Variants in UQCRH observed in about 807,000 individuals in gnomAD.
UQCRH encodes ubiquinol-cytochrome c reductase hinge protein, also known as cytochrome b-c1 complex subunit 6, mitochondrial.
In UQCRH, 14 loss-of-function variants were observed where a neutral mutation model predicts 16.3. The ratio of observed to expected loss-of-function variants is 0.86; its 90% CI spans 0.57 to 1.34. The LOEUF is 1.34. UQCRH is among the 40% of genes most tolerant of loss of function. The probability of loss-of-function intolerance (pLI) is 0.00; values close to 1 mark genes in which losing one functional copy is unlikely to be tolerated. For synonymous variants in UQCRH, 41 were observed against 41.9 expected (o/e 0.98, Z 0.08); for missense variants, 89 against 111.9 (o/e 0.80, Z 0.92).
intron 3 of UQCRH, among the ~76,000 whole-genome samples, chr1:46,311,686 G>A (rs1376398251): frequency 6.7e-6 from 1 of 150,012 alleles, no homozygotes; most frequent in African/African-American, 2.5e-5. Context: ...TCCACCTCCC[G>A]GCTTCACGCC....
In UQCRH at chr1:46,309,301, AG is replaced by A; in HGVS notation, c.81+175del. 4 of 714,318 alleles carry A rather than the reference AG, an allele frequency of 5.6e-6. No homozygotes were observed. In the East Asian group the frequency reaches 1.2e-4, roughly 22 times the overall value. 44.2% of individuals were successfully genotyped at this position (714,318 alleles called of 1,614,324 possible). On this transcript the variant is annotated intron_variant, in intron 2 of 3. Transcript: ENST00000311672. The stretch of plus-strand genomic sequence containing the variant: ...TTTAGGGTGTGAGCCTTGGAAGCTG[AG>A]TCTGTTCTGGGTTTGGGGCTTCTTC...
At chr1:46,310,405 C>T in intron 3 of UQCRH, 89 bp downstream of exon 3, 2 of 1,580,692 alleles carry the variant, frequency 1.3e-6, no homozygotes, top group Middle Eastern at 1.7e-4. Flanking sequence ...GGGAAAGGCC[C>T]ATCAGTTACT....
chr1:46,313,840 CAAAA>C (rs77691408), intron 3 of UQCRH, among the ~76,000 whole-genome samples: 1 of 116,346 alleles, frequency 8.6e-6, no homozygotes. Context: ...GACCCTGTCT[CAAAA>C]AAAAAAAAAC....
intron 3 of UQCRH, among the ~76,000 whole-genome samples, chr1:46,315,234 C>T (rs568112048): frequency 2.8e-4 from 42 of 152,244 alleles, no homozygotes; most frequent in Admixed American, 2.7e-3. Context: ...CACCTGAGGT[C>T]GGGAGTTCGA....
intron 1 of UQCRH, among the ~76,000 whole-genome samples, chr1:46,305,916 T>C (rs938858524): frequency 1.6e-4 from 25 of 151,740 alleles, no homozygotes; most frequent in Admixed American, 9.8e-4. Context: ...CGATTCTCTT[T>C]TGCCTCAGCC....
At chr1:46,313,367 G>T (rs771069105) in intron 3 of UQCRH, among the ~76,000 whole-genome samples, 1 of 152,158 alleles carries the variant, frequency 6.6e-6, no homozygotes, top group African/African-American at 2.4e-5. Flanking sequence ...GGTGGCTCAC[G>T]CCTGTAATCC....
intron 1 of UQCRH, among the ~76,000 whole-genome samples, chr1:46,306,601 T>C (rs973583840): frequency 7.1e-4 from 108 of 152,022 alleles, no homozygotes; most frequent in African/African-American, 2.5e-3. Context: ...CTCAATCTCT[T>C]GACCTCGTGA....
At chr1:46,316,470 ACTGTT>A in intron 3 of UQCRH, 77 bp from the exon 4 acceptor site, 2 of 1,586,234 alleles carry the variant, frequency 1.3e-6, no homozygotes, top group Admixed American at 1.7e-5. Flanking sequence ...GAGGGGCAGT[ACTGTT>A]TCAGGTCTTG....
rs757089497 is a variant in UQCRH, at chr1:46,309,130, A to T, written c.81+3A>T. On this transcript the variant is annotated splice_donor_region_variant and intron_variant, in intron 2 of 3. Transcript: ENST00000311672. ...AAGAGGAAGAGGAGGAATTAGTGGT[A>T]AGAACTGTCTCAGGTTTGGAAACAT... The T allele has an allele frequency of 1.2e-6, 2 of 1,612,438 alleles. No individual in the cohort carries two copies.
chr1:46,313,523 G>C (rs1338752625), intron 3 of UQCRH, among the ~76,000 whole-genome samples: 1 of 152,172 alleles, frequency 6.6e-6, no homozygotes, highest in African/African-American at 2.4e-5. Context: ...CAGCTACTTG[G>C]GAGGCTGAGG....
intron 3 of UQCRH, among the ~76,000 whole-genome samples, chr1:46,315,130 G>C (rs547718793): frequency 6.6e-6 from 1 of 152,240 alleles, no homozygotes; most frequent in Non-Finnish European, 1.5e-5. Flanking sequence ...GTGAAACCTT[G>C]TCTCTACTAA....
At chr1:46,311,195 C>T (rs1661466832) in intron 3 of UQCRH, among the ~76,000 whole-genome samples, 1 of 151,900 alleles carries the variant, frequency 6.6e-6, no homozygotes, top group Admixed American at 6.6e-5. Context: ...AAAACATAAA[C>T]ATCCCAACAT....
At chr1:46,306,145 T>G (rs1248741389) in intron 1 of UQCRH, among the ~76,000 whole-genome samples, 1 of 152,088 alleles carries the variant, frequency 6.6e-6, no homozygotes, top group Non-Finnish European at 1.5e-5. Context: ...TGATCTTGGT[T>G]TTTCTCAGTG....
At chr1:46,315,591 CAAAA>C (rs35586591) in intron 3 of UQCRH, among the ~76,000 whole-genome samples, 23 of 84,550 alleles carry the variant, frequency 2.7e-4, no homozygotes, top group African/African-American at 8.6e-4. Context: ...AAGACTGCCT[CAAAA>C]AAAAAAAAAA....
intron 3 of UQCRH, among the ~76,000 whole-genome samples, chr1:46,314,396 C>T (rs892862401): frequency 1.9e-4 from 28 of 150,808 alleles, no homozygotes; most frequent in East Asian, 1.9e-4. Context: ...AGGGGCTGGG[C>T]ATAGCAGCTC....
intron 3 of UQCRH, among the ~76,000 whole-genome samples, chr1:46,310,769 G>A (rs908957530): frequency 1.3e-5 from 2 of 152,116 alleles, no homozygotes; most frequent in African/African-American, 4.8e-5. Context: ...ATTGTGCCTG[G>A]CCTATAAATA....
intron 1 of UQCRH, among the ~76,000 whole-genome samples, chr1:46,305,427 C>A (rs1661353207): frequency 2.0e-5 from 3 of 149,062 alleles, no homozygotes; most frequent in Admixed American, 1.3e-4. Context: ...CTAGGGTATT[C>A]TGGCCGGGCG....
intron 2 of UQCRH, chr1:46,309,650 A>G: frequency 5.1e-6 from 1 of 196,470 alleles, no homozygotes; most frequent in Non-Finnish European, 1.0e-5. Context: ...AGCCTGGGCA[A>G]CAAGAGCAAA....
chr1:46,310,439 T>C (rs2148335202), intron 3 of UQCRH, 123 bp downstream of exon 3: 5 of 1,405,860 alleles, frequency 3.6e-6, no homozygotes, highest in East Asian at 4.6e-5. Flanking sequence ...ATGTGACATA[T>C]GGTGCGCTGA....
Sources: gnomAD v4.1 joint callset for allele counts (sites outside exome capture counted in the v4.1 genomes callset) on GRCh38, gnomAD v4.1.1 for gene constraint, MANE v1.5 for transcripts, NCBI Gene and HGNC (gene_info 2026-07-23, HGNC 2026-07-21) for gene names.